MAP2K5: variants seen among roughly 807,000 people sequenced by gnomAD.
MAP2K5 encodes dual specificity mitogen-activated protein kinase kinase 5.
In MAP2K5, 49 loss-of-function variants were observed where a neutral mutation model predicts 83.1. The observed-to-expected ratio is 0.59, with a 90% CI of 0.47 to 0.75. The LOEUF is 0.75. Ranked by LOEUF, MAP2K5 falls within the 30% of genes least tolerant of loss-of-function variation. MAP2K5 has a pLI of 0.00. For missense variants in MAP2K5, 457 were observed against 557.5 expected, an observed-to-expected ratio of 0.82 and a Z score of 1.82; for synonymous variants, 202 against 191.8, an observed-to-expected ratio of 1.05 and a Z score of -0.44.
At chr15:67,771,318 T>C (rs2090138087) in intron 20 of MAP2K5, among the ~76,000 whole-genome samples, 1 of 152,194 alleles carries the variant, frequency 6.6e-6, no homozygotes, top group African/African-American at 2.4e-5. Flanking sequence ...GGAGGAGATG[T>C]TGGATTTGTG....
intron 2 of MAP2K5, among the ~76,000 whole-genome samples, chr15:67,553,368 CTCTT>C (rs2140949623): frequency 6.6e-6 from 1 of 152,326 alleles, no homozygotes; most frequent in African/African-American, 2.4e-5. Context: ...TGATATCATG[CTCTT>C]TCTTTTGCCC....
At chr15:67,599,306 A>T (rs1255122025) in intron 7 of MAP2K5, among the ~76,000 whole-genome samples, 1 of 152,234 alleles carries the variant, frequency 6.6e-6, no homozygotes, top group Admixed American at 6.5e-5. Flanking sequence ...TATAATAATT[A>T]GCTGATTGTA....
intron 19 of MAP2K5, among the ~76,000 whole-genome samples, chr15:67,767,846 A>T (rs1299591529): frequency 6.6e-6 from 1 of 152,038 alleles, no homozygotes. Context: ...CCTGCGTGTA[A>T]TCCTTTGAAC....
chr15:67,664,333 C>A (rs376752036), intron 12 of MAP2K5, among the ~76,000 whole-genome samples: 353 of 74,064 alleles, frequency 4.8e-3, no homozygotes, highest in South Asian at 5.5e-3. Flanking sequence ...CTGTTTCTAC[C>A]AAAAAAAAAA....
At chr15:67,699,960 C>T (rs2088373054) in intron 15 of MAP2K5, among the ~76,000 whole-genome samples, 1 of 111,562 alleles carries the variant, frequency 9.0e-6, no homozygotes, top group Non-Finnish European at 1.8e-5. Context: ...ACACAGGGAT[C>T]TTGCCAATGT....
At chr15:67,610,028 C>T (rs951846906) in intron 8 of MAP2K5, among the ~76,000 whole-genome samples, 4 of 152,018 alleles carry the variant, frequency 2.6e-5, no homozygotes, top group African/African-American at 4.8e-5. Context: ...AGAAAGATAA[C>T]GTTTGGAAGG....
chr15:67,728,641 G>A (rs965994959), intron 17 of MAP2K5, among the ~76,000 whole-genome samples: 8 of 152,180 alleles, frequency 5.3e-5, no homozygotes, highest in African/African-American at 1.9e-4. Flanking sequence ...GTTTTCCTCT[G>A]GTTGATGTTC....
intron 8 of MAP2K5, among the ~76,000 whole-genome samples, chr15:67,616,602 A>C (rs16951085): frequency 6.6e-6 from 1 of 152,182 alleles, no homozygotes; most frequent in Non-Finnish European, 1.5e-5. Context: ...AGAGTGAACT[A>C]TCTCTGCAAT....
chr15:67,799,256 G>C (rs533536001), intron 21 of MAP2K5, among the ~76,000 whole-genome samples: 1 of 152,262 alleles, frequency 6.6e-6, no homozygotes, highest in Non-Finnish European at 1.5e-5. Context: ...CTCTGCATTC[G>C]TGGCATTTGC....
chr15:67,694,411 T>A (rs1212505934), intron 15 of MAP2K5, among the ~76,000 whole-genome samples: 1 of 152,170 alleles, frequency 6.6e-6, no homozygotes, highest in Non-Finnish European at 1.5e-5. Context: ...AATTAAATGA[T>A]GTTAGTATGG....
At chr15:67,730,031 C>T (rs2089185752) in intron 17 of MAP2K5, among the ~76,000 whole-genome samples, 2 of 152,314 alleles carry the variant, frequency 1.3e-5, no homozygotes, top group South Asian at 4.1e-4. Flanking sequence ...CAAATTGTTA[C>T]TTCTATCTGA....
At chr15:67,765,683 A>ACT (rs1459327274) in intron 19 of MAP2K5, among the ~76,000 whole-genome samples, 1 of 152,198 alleles carries the variant, frequency 6.6e-6, no homozygotes, top group Non-Finnish European at 1.5e-5. Context: ...CTGTAAGTGA[A>ACT]CTAGTAGCAG....
intron 11 of MAP2K5, among the ~76,000 whole-genome samples, chr15:67,647,877 TA>T (rs1027076178): frequency 6.7e-6 from 1 of 149,864 alleles, no homozygotes; most frequent in Non-Finnish European, 1.5e-5. Flanking sequence ...TTAAAAAAAA[TA>T]AAAAAAGGAA....
intron 4 of MAP2K5, among the ~76,000 whole-genome samples, chr15:67,582,952 GAGCAGTCCTGTCATTCTCACTGTTCAT>G (rs1484668605): frequency 3.3e-5 from 5 of 151,972 alleles, no homozygotes; most frequent in African/African-American, 1.2e-4. Flanking sequence ...TTCCTTTTGT[GAGCAGTCCTGTCATTCTCACTGTTCAT>G]CGCATTATGC....
At chr15:67,776,219 C>G (rs1396521128) in intron 21 of MAP2K5, among the ~76,000 whole-genome samples, 3 of 150,688 alleles carry the variant, frequency 2.0e-5, no homozygotes, top group Non-Finnish European at 4.4e-5. Flanking sequence ...CCCCCACCTC[C>G]ACTTCTGCCT....
At chr15:67,800,219 G>C (rs747251276) in intron 21 of MAP2K5, among the ~76,000 whole-genome samples, 1 of 152,166 alleles carries the variant, frequency 6.6e-6, no homozygotes, top group Admixed American at 6.5e-5. Context: ...AGTTTTCTCC[G>C]GGGATTAGAT....
At chr15:67,609,444 G>A (rs1365457888) in intron 8 of MAP2K5, among the ~76,000 whole-genome samples, 1 of 151,470 alleles carries the variant, frequency 6.6e-6, no homozygotes, top group East Asian at 1.9e-4. Flanking sequence ...TATAGATTCT[G>A]TAGACCTATT....
Position 67,724,422 on chromosome 15 carries a change from G to A in MAP2K5, c.1045-3494G>A, listed in dbSNP as rs561819068. On this transcript the variant is annotated intron_variant, in intron 16 of 21. Transcript: ENST00000178640. This position sits in a 1 kb window ranked among gnomAD's most constrained non-coding sequence, Gnocchi z 4.4. Reference sequence around the variant, plus strand: ...TTATTTATTTATTTTTTGAGTTAGGGTCTCACTCTTGCTCAGTCTGGAATG... The same window carrying A: ...TTATTTATTTATTTTTTGAGTTAGGATCTCACTCTTGCTCAGTCTGGAATG... 6.6e-6 allele frequency among the ~76,000 whole-genome samples: 1 copy of A among 151,810 alleles called. No individual in the cohort carries two copies. Among genetic ancestry groups the A allele is most frequent in the East Asian group, 1.9e-4 (1 of 5,164 alleles).
chr15:67,581,762 T>A (rs749757295), intron 4 of MAP2K5, among the ~76,000 whole-genome samples: 1 of 152,236 alleles, frequency 6.6e-6, no homozygotes, highest in Non-Finnish European at 1.5e-5. Context: ...CTATTTGCAC[T>A]GATAAAGTCT....
Sources: allele counts gnomAD v4.1 joint callset (sites outside exome capture counted in the v4.1 genomes callset), GRCh38; gene constraint gnomAD v4.1.1; non-coding constraint Gnocchi (gnomAD v3.1); transcripts MANE v1.5; gene names NCBI Gene and HGNC (gene_info 2026-07-23, HGNC 2026-07-21).